The following GBE1 variants were observed in gnomAD, a reference collection of about 807,000 sequenced individuals.
The protein encoded by GBE1 is 1,4-alpha-glucan branching enzyme 1.
GBE1 carries 70 observed loss-of-function variants against 88.8 expected under a neutral mutation model. The ratio of observed to expected loss-of-function variants is 0.79; its 90% CI spans 0.65 to 0.96. The LOEUF (loss-of-function observed/expected upper bound fraction) is 0.96. Ranked by LOEUF, GBE1 falls within the 40% of genes least tolerant of loss-of-function variation. The pLI, the probability that GBE1 is intolerant of heterozygous loss-of-function variation, is 0.00. For synonymous variants in GBE1, 284 were observed against 300.1 expected (o/e 0.95, Z 0.56); for missense variants, 872 against 871.0 (o/e 1.00, Z -0.01).
At chr3:81,751,402 C>T (rs973185793) in intron 1 of GBE1, among the ~76,000 whole-genome samples, 21 of 152,188 alleles carry the variant, frequency 1.4e-4, no homozygotes, top group African/African-American at 4.3e-4. Context: ...GATGTGTGTG[C>T]CACTGAAAGC....
chr3:81,620,890 G>A (rs927864912), intron 7 of GBE1, among the ~76,000 whole-genome samples: 2 of 152,136 alleles, frequency 1.3e-5, no homozygotes, highest in African/African-American at 4.8e-5. Context: ...AGTCCATAAA[G>A]CAGAGGAGGA....
rs927493402 is a variant in GBE1 at position 81,642,687 on chromosome 3, T to C, written c.992+94A>G. 5.0e-6 allele frequency: 4 copies of C among 795,454 alleles called. No individual in the cohort carries two copies. The African/African-American group carries it at 6.9e-5, about 14-fold the overall frequency. The allele number at this position is 795,454 out of a possible 1,614,324, so 49.3% of individuals were successfully genotyped here. ...TCCAATTAAGAACATTAAGTACCAG[T>C]GAGAGAGTACACACACAATGAATTT... is the stretch of plus-strand genomic sequence containing the variant. On this transcript the variant is annotated intron_variant, in intron 7 of 15. Transcript: ENST00000429644.
At chr3:81,657,735 A>G (rs981444246) in intron 3 of GBE1, among the ~76,000 whole-genome samples, 2 of 152,168 alleles carry the variant, frequency 1.3e-5, no homozygotes, top group Non-Finnish European at 2.9e-5. Context: ...TGTTAATTTT[A>G]TCTGGATAAT....
chr3:81,646,857 T>TA (rs1704771387), intron 5 of GBE1, among the ~76,000 whole-genome samples: 1 of 152,058 alleles, frequency 6.6e-6, no homozygotes, highest in Admixed American at 6.5e-5. Flanking sequence ...TTGCATGACA[T>TA]ACGCTTTTTA....
At chr3:81,561,169 G>A (rs941834690) in intron 12 of GBE1, among the ~76,000 whole-genome samples, 1 of 151,924 alleles carries the variant, frequency 6.6e-6, no homozygotes, top group South Asian at 2.1e-4. Flanking sequence ...CGTATAAAGT[G>A]TTACACCTAT....
chr3:81,743,673 C>T (rs1706382466), intron 1 of GBE1: 1 of 1,200,310 alleles, frequency 8.3e-7, no homozygotes, highest in South Asian at 1.4e-5. Flanking sequence ...AGACAGCAGT[C>T]ACCTGATCTC....
At chr3:81,694,363 G>T (rs1370540165) in intron 2 of GBE1, among the ~76,000 whole-genome samples, 1 of 152,174 alleles carries the variant, frequency 6.6e-6, no homozygotes, top group Non-Finnish European at 1.5e-5. Context: ...GCCATTTAAA[G>T]AAAGTAGGGG....
At chr3:81,623,331 C>T (rs529293325) in intron 7 of GBE1, among the ~76,000 whole-genome samples, 27 of 152,304 alleles carry the variant, frequency 1.8e-4, no homozygotes, top group Admixed American at 5.9e-4. Flanking sequence ...TGATATTGCA[C>T]GTCACTTCAT....
At chr3:81,696,071 C>CT (rs1705588522) in intron 2 of GBE1, among the ~76,000 whole-genome samples, 1 of 151,984 alleles carries the variant, frequency 6.6e-6, no homozygotes, top group African/African-American at 2.4e-5. Context: ...AAAAGTACCT[C>CT]TAATTTTTTT....
intron 14 of GBE1, among the ~76,000 whole-genome samples, chr3:81,531,911 T>C (rs1404583616): frequency 6.6e-6 from 1 of 152,004 alleles, no homozygotes; most frequent in East Asian, 1.9e-4. Flanking sequence ...CAGCAGAAAA[T>C]ATCCCTCTGC....
intron 15 of GBE1, among the ~76,000 whole-genome samples, chr3:81,498,070 C>T (rs569291589): frequency 1.3e-5 from 2 of 152,262 alleles, no homozygotes; most frequent in South Asian, 4.1e-4. Flanking sequence ...TAGGGCAACA[C>T]CTAATTCTCA....
chr3:81,595,968 A>T (rs188536647), intron 7 of GBE1, among the ~76,000 whole-genome samples: 2 of 152,074 alleles, frequency 1.3e-5, no homozygotes, highest in East Asian at 3.9e-4. Flanking sequence ...TATTCTTCAG[A>T]TCTCTGAAAT....
At chr3:81,731,273 T>A (rs901048854) in intron 1 of GBE1, among the ~76,000 whole-genome samples, 1 of 152,074 alleles carries the variant, frequency 6.6e-6, no homozygotes, top group Non-Finnish European at 1.5e-5. Context: ...CTCCCTGCAA[T>A]TGAGTTGACT....
chr3:81,545,150 C>A (rs1703190165), intron 12 of GBE1, among the ~76,000 whole-genome samples: 3 of 152,026 alleles, frequency 2.0e-5, no homozygotes, highest in African/African-American at 7.2e-5. Context: ...TCTGGTATTG[C>A]AGTGAGTACT....
At chr3:81,724,153 C>T (rs996604182) in intron 1 of GBE1, among the ~76,000 whole-genome samples, 1 of 152,162 alleles carries the variant, frequency 6.6e-6, no homozygotes, top group African/African-American at 2.4e-5. Flanking sequence ...AGTTCCTGTA[C>T]TGGTTCAGTG....
At chr3:81,700,565 C>T (rs1200427773) in intron 2 of GBE1, among the ~76,000 whole-genome samples, 3 of 152,106 alleles carry the variant, frequency 2.0e-5, no homozygotes, top group Non-Finnish European at 2.9e-5. Flanking sequence ...CTGACAATAT[C>T]ACTGAAAACA....
intron 14 of GBE1, among the ~76,000 whole-genome samples, chr3:81,529,108 T>C (rs1249599553): frequency 1.3e-5 from 2 of 152,050 alleles, no homozygotes; most frequent in Non-Finnish European, 2.9e-5. Context: ...ATTTTTTGTC[T>C]ATCTGTGGTA....
At chr3:81,632,917 T>C (rs1290244359) in intron 7 of GBE1, among the ~76,000 whole-genome samples, 4 of 152,168 alleles carry the variant, frequency 2.6e-5, no homozygotes, top group African/African-American at 9.7e-5. Flanking sequence ...CATTCAGTTT[T>C]GGTTTCTGAC....
chr3:81,728,056 A>T (rs1706137041), intron 1 of GBE1, among the ~76,000 whole-genome samples: 1 of 152,164 alleles, frequency 6.6e-6, no homozygotes, highest in Non-Finnish European at 1.5e-5. Flanking sequence ...GCCTGGCAGT[A>T]CCTATTTTAT....
Sources: gnomAD v4.1 joint callset for allele counts (sites outside exome capture counted in the v4.1 genomes callset) on GRCh38, gnomAD v4.1.1 for gene constraint, MANE v1.5 for transcripts, NCBI Gene and HGNC (gene_info 2026-07-23, HGNC 2026-07-21) for gene names.